UVRAG: variants seen among roughly 807,000 people sequenced by gnomAD.
UVRAG encodes UV radiation resistance-associated gene protein.
A neutral mutation model predicts 78.0 loss-of-function variants in UVRAG; 19 were observed. The observed-to-expected ratio is 0.24, with a 90% CI of 0.17 to 0.36. The LOEUF is 0.36. UVRAG is among the 10% of genes least tolerant of loss of function. The probability of loss-of-function intolerance (pLI) is 1.00; values close to 1 mark genes in which losing one functional copy is unlikely to be tolerated. For synonymous variants in UVRAG, 323 were observed against 324.6 expected, an observed-to-expected ratio of 1.00 and a Z score of 0.05; for missense variants, 740 against 853.8, an observed-to-expected ratio of 0.87 and a Z score of 1.66.
rs571411975 is a variant in UVRAG, at chr11:75,827,754, C to G, written c.117+12230C>G. Among the ~76,000 whole-genome samples, 549 of 152,270 alleles carry G rather than the reference C, an allele frequency of 3.6e-3. 1 individual carries two copies. Among genetic ancestry groups the G allele is most frequent in the African/African-American group, 0.012 (497 of 41,544 alleles). ...TTCGGAACTGTATGTCTTGTGTCTG[C>G]CAGCCTACTTACATCTTTCAGGGGA... On this transcript the variant is annotated intron_variant, in intron 1 of 14. Coordinates refer to ENST00000356136, the MANE Select transcript of UVRAG (RefSeq NM_003369.4).
chr11:76,089,782 C>T (rs2134424873), intron 13 of UVRAG, among the ~76,000 whole-genome samples: 1 of 152,288 alleles, frequency 6.6e-6, no homozygotes, highest in East Asian at 1.9e-4. Context: ...TGTTCGATTT[C>T]TTCTGATTTC....
At chr11:75,842,598 T>C (rs971843270) in intron 1 of UVRAG, among the ~76,000 whole-genome samples, 54 of 152,146 alleles carry the variant, frequency 3.5e-4, no homozygotes, top group African/African-American at 1.3e-3. Flanking sequence ...CCCGCCATCA[T>C]TCCCAGCTAA....
At position 75,961,643 on chromosome 11, in the gene UVRAG, C is replaced by T. The variant is rs115772535; in HGVS notation, c.699+94C>T. 3,798 of 906,552 alleles carry T rather than the reference C, an allele frequency of 4.2e-3. 107 individuals are homozygous for T. In the African/African-American group the frequency reaches 0.059, roughly 14 times the overall value. 56.2% of individuals were successfully genotyped at this position (906,552 alleles called of 1,614,324 possible). A position where few individuals can be genotyped will look rare whatever the true frequency, so the allele number is the denominator to read the frequency against. On this transcript the variant is annotated intron_variant, in intron 7 of 14. Transcript: ENST00000356136. ...GTTAATTTTAAAAAACGCTTTAGAT[C>T]GTTTTTATCTTCTTAATTGTCCACA...
chr11:76,030,466 G>T (rs1015230401), intron 12 of UVRAG, among the ~76,000 whole-genome samples: 1 of 152,182 alleles, frequency 6.6e-6, no homozygotes, highest in Admixed American at 6.5e-5. Flanking sequence ...TGCCTTGGAA[G>T]ATACGGGTTA....
In UVRAG at chr11:76,143,603, G is replaced by A. The variant is rs1308998905; in HGVS notation, c.*2190G>A. Among the ~76,000 whole-genome samples the A allele has an allele frequency of 6.6e-6, 1 of 152,236 alleles. No individual in the cohort carries two copies. The highest frequency in any genetic ancestry group is 2.4e-5 in the African/African-American group (1 of 41,458). ...TGGTGATGCCTCAAAACACCACTTA[G>A]GTTTGGGTTCGTTTAGTTCGAGTTT... is the stretch of plus-strand genomic sequence containing the variant. On this transcript the variant is annotated 3_prime_UTR_variant, in exon 15 of 15. Coordinates refer to ENST00000356136, the MANE Select transcript of UVRAG (RefSeq NM_003369.4).
intron 5 of UVRAG, among the ~76,000 whole-genome samples, chr11:75,889,374 G>T (rs758664630): frequency 2.0e-4 from 30 of 152,174 alleles, no homozygotes; most frequent in Admixed American, 1.0e-3. Flanking sequence ...ACTATCTATG[G>T]TACTGTGCCA....
chr11:76,094,514 C>T (rs1334073473), intron 13 of UVRAG, among the ~76,000 whole-genome samples: 2 of 152,094 alleles, frequency 1.3e-5, no homozygotes, highest in African/African-American at 2.4e-5. Flanking sequence ...GGTAGGCTAT[C>T]AATTATTGCC....
chr11:75,830,674 T>C (rs985838767), intron 1 of UVRAG, among the ~76,000 whole-genome samples: 2 of 152,156 alleles, frequency 1.3e-5, no homozygotes, highest in African/African-American at 4.8e-5. Context: ...AGTCCTCAGG[T>C]TCTTAAGCTT....
At chr11:76,002,458 G>A (rs1382010577) in intron 8 of UVRAG, among the ~76,000 whole-genome samples, 1 of 152,122 alleles carries the variant, frequency 6.6e-6, no homozygotes, top group Non-Finnish European at 1.5e-5. Flanking sequence ...ACACTCATTT[G>A]TGTTTTGAAG....
Position 76,077,033 on chromosome 11 carries a change from T to C in UVRAG, c.1305+11245T>C, listed in dbSNP as rs1380066831. 2.7e-5 allele frequency among the ~76,000 whole-genome samples: 4 copies of C among 150,034 alleles called. No individual in the cohort carries two copies. In the East Asian group the frequency reaches 7.7e-4, roughly 29 times the overall value. ...CCTGTCTCAAAAAAAAAAAAAGATG[T>C]CTATTGAAAGAATGAATGATGAATG... On this transcript the variant is annotated intron_variant, in intron 13 of 14. Coordinates refer to ENST00000356136, the MANE Select transcript of UVRAG (RefSeq NM_003369.4).
intron 12 of UVRAG, among the ~76,000 whole-genome samples, chr11:76,039,701 C>G (rs1041461560): frequency 3.3e-5 from 5 of 152,176 alleles, no homozygotes; most frequent in Non-Finnish European, 7.4e-5. Flanking sequence ...ATGGCGAAAC[C>G]CTGTCTCTAC....
chr11:75,835,006 G>A (rs757035409), intron 1 of UVRAG, among the ~76,000 whole-genome samples: 1 of 152,082 alleles, frequency 6.6e-6, no homozygotes, highest in Non-Finnish European at 1.5e-5. Context: ...AAAAGAATAT[G>A]TAATTATTGG....
intron 1 of UVRAG, among the ~76,000 whole-genome samples, chr11:75,824,556 A>G (rs979502993): frequency 5.3e-5 from 8 of 151,930 alleles, no homozygotes; most frequent in African/African-American, 1.9e-4. Flanking sequence ...AGTGAAACGT[A>G]TGGTAGAATG....
chr11:75,839,346 G>T (rs1945857719), intron 1 of UVRAG, among the ~76,000 whole-genome samples: 1 of 151,734 alleles, frequency 6.6e-6, no homozygotes, highest in African/African-American at 2.4e-5. Flanking sequence ...TTCTTTTATA[G>T]CTTCTGAATA....
intron 13 of UVRAG, among the ~76,000 whole-genome samples, chr11:76,077,799 CA>C (rs144171916): frequency 0.02 from 3,104 of 152,302 alleles, 48 homozygotes; most frequent in South Asian, 0.045. Flanking sequence ...AAACATCTTA[CA>C]TAACAGGCTT....
intron 11 of UVRAG, 121 bp downstream of exon 11, chr11:76,008,988 A>G (rs999575495): frequency 1.7e-5 from 9 of 527,722 alleles, no homozygotes; most frequent in Admixed American, 6.6e-5. Flanking sequence ...TCCTTTCCCA[A>G]TTGCAAGTAT....
intron 8 of UVRAG, among the ~76,000 whole-genome samples, chr11:75,995,076 G>T (rs1348829138): frequency 6.6e-6 from 1 of 152,090 alleles, no homozygotes; most frequent in African/African-American, 2.4e-5. Context: ...GGTAGGACTG[G>T]TGGAAATGAT....
intron 3 of UVRAG, among the ~76,000 whole-genome samples, chr11:75,866,492 G>A (rs1448267606): frequency 6.6e-6 from 1 of 151,754 alleles, no homozygotes; most frequent in Non-Finnish European, 1.5e-5. Context: ...AGATTGTGGT[G>A]AACTATGATT....
chr11:75,882,589 T>C, intron 4 of UVRAG, among the ~76,000 whole-genome samples: 1 of 152,260 alleles, frequency 6.6e-6, no homozygotes, highest in Non-Finnish European at 1.5e-5. Context: ...ACCATACTTT[T>C]TATTTTTAAA....
Sources: gnomAD v4.1 joint callset for allele counts (sites outside exome capture counted in the v4.1 genomes callset) on GRCh38, gnomAD v4.1.1 for gene constraint, MANE v1.5 for transcripts, NCBI Gene and HGNC (gene_info 2026-07-23, HGNC 2026-07-21) for gene names.